PKHD1: variants seen among roughly 807,000 people sequenced by gnomAD.
PKHD1 encodes the protein fibrocystin.
A neutral mutation model predicts 412.0 loss-of-function variants in PKHD1; 291 were observed. That is an observed-to-expected ratio of 0.71 (90% CI 0.64 to 0.78). PKHD1 has a LOEUF of 0.78. PKHD1 is among the 30% of genes least tolerant of loss of function. PKHD1 has a pLI of 0.00. For missense variants in PKHD1, 4,825 were observed against 4,950.7 expected (o/e 0.97, Z 0.76); for synonymous variants, 1,777 against 1,821.5 (o/e 0.98, Z 0.62).
At chr6:51,889,063 G>T (rs58715183) in intron 43 of PKHD1, among the ~76,000 whole-genome samples, 12,021 of 152,062 alleles carry the variant, frequency 0.079, 695 homozygotes, top group African/African-American at 0.16. Context: ...TCAGGTGTAA[G>T]CCCTGTGCTA....
chr6:51,939,221 C>T (rs1788060295), intron 36 of PKHD1, among the ~76,000 whole-genome samples: 1 of 151,012 alleles, frequency 6.6e-6, no homozygotes, highest in African/African-American at 2.4e-5. Flanking sequence ...GGGCAAGAAC[C>T]CCCCCAACCC....
chr6:51,693,114 T>C (rs970747565), intron 60 of PKHD1, among the ~76,000 whole-genome samples: 3 of 152,172 alleles, frequency 2.0e-5, no homozygotes, highest in East Asian at 3.9e-4. Context: ...TCAACACATA[T>C]GTCCCCTGCA....
At chr6:51,812,751 G>T (rs1222832429) in intron 52 of PKHD1, among the ~76,000 whole-genome samples, 1 of 152,156 alleles carries the variant, frequency 6.6e-6, no homozygotes, top group Non-Finnish European at 1.5e-5. Context: ...TTTAGATCCT[G>T]AAGAGATTAG....
At chr6:51,843,827 A>C (rs1770663478) in intron 50 of PKHD1, among the ~76,000 whole-genome samples, 2 of 152,262 alleles carry the variant, frequency 1.3e-5, no homozygotes. Flanking sequence ...CAGCAGCTTT[A>C]GAAAGGCAAC....
chr6:51,880,779 TAAAAAAAAAAAAAAAAA>T (rs71544105), intron 46 of PKHD1, among the ~76,000 whole-genome samples: 1 of 30,036 alleles, frequency 3.3e-5, no homozygotes, highest in Non-Finnish European at 4.7e-5. Flanking sequence ...AAAAAAAAAT[TAAAAAAAAAAAAAAAAA>T]AAAAAAAAAA....
At chr6:52,011,022 G>C (rs1483278983) in intron 34 of PKHD1, among the ~76,000 whole-genome samples, 1 of 152,132 alleles carries the variant, frequency 6.6e-6, no homozygotes, top group Non-Finnish European at 1.5e-5. Context: ...ATGAGGCTCT[G>C]TTGCTAGCAG....
chr6:51,721,814 T>C (rs1174890898), intron 60 of PKHD1: 2 of 1,493,590 alleles, frequency 1.3e-6, no homozygotes, highest in Non-Finnish European at 1.8e-6. Flanking sequence ...TCCTCTCCAT[T>C]CTGGCTGCCA....
chr6:51,737,269 C>G (rs1035126377), intron 60 of PKHD1, among the ~76,000 whole-genome samples: 9 of 152,188 alleles, frequency 5.9e-5, no homozygotes, highest in Middle Eastern at 3.4e-3. Context: ...AAAAGCTTAT[C>G]GTGAGTTTAT....
intron 20 of PKHD1, among the ~76,000 whole-genome samples, chr6:52,053,781 G>C (rs1340059386): frequency 6.6e-6 from 1 of 152,136 alleles, no homozygotes; most frequent in Non-Finnish European, 1.5e-5. Context: ...TGTTCTCTAA[G>C]GTTTCCCCCA....
At chr6:51,913,577 C>T (rs1783315966) in intron 37 of PKHD1, among the ~76,000 whole-genome samples, 1 of 152,096 alleles carries the variant, frequency 6.6e-6, no homozygotes, top group African/African-American at 2.4e-5. Flanking sequence ...CATTTCCTTC[C>T]TCTTTTGCAA....
intron 52 of PKHD1, among the ~76,000 whole-genome samples, chr6:51,829,641 G>T (rs1213893630): frequency 6.6e-6 from 1 of 152,096 alleles, no homozygotes; most frequent in Non-Finnish European, 1.5e-5. Flanking sequence ...CGTTTGTACT[G>T]GTCAGCCCAC....
In PKHD1 at chr6:51,756,115, T is replaced by C. The variant is rs1453956262; in HGVS notation, c.8643-1177A>G. Among the ~76,000 whole-genome samples the C allele has an allele frequency of 2.6e-5, 4 of 152,210 alleles. No homozygotes were observed. In the East Asian group the frequency reaches 7.7e-4, roughly 29 times the overall value. On this transcript the variant is annotated intron_variant, in intron 55 of 66. Coordinates refer to ENST00000371117, the MANE Select transcript of PKHD1 (RefSeq NM_138694.4). ...AATGAAATATTATAATTAATTCACA[T>C]CTACGTACCTAAGGTTGGAGAAAGA...
At position 51,906,315 on chromosome 6, in the gene PKHD1, C is replaced by A. The variant is rs781493877; in HGVS notation, c.6708G>T (p.Val2236=). 6.2e-7 allele frequency: 1 copy of A among 1,610,726 alleles called. No homozygotes were observed. The highest frequency in any genetic ancestry group is 8.5e-7 in the Non-Finnish European group (1 of 1,177,216). The change falls in exon 41 of 67, where the codon GTG becomes GTT. Residue 2236 remains valine (V), a synonymous_variant. Coordinates refer to ENST00000371117, the MANE Select transcript of PKHD1 (RefSeq NM_138694.4). ...TGAGGCCTCTACTGAAGGAGTTCCT[C>A]ACTGTGCAGCCCTGTATGAAAGACT... is the stretch of plus-strand genomic sequence containing the variant. ...MRESFIQGCT[V]RNSFSRGLSM... is the part of the protein sequence containing the mutation.
intron 35 of PKHD1, among the ~76,000 whole-genome samples, chr6:51,970,809 G>A (rs904782945): frequency 1.3e-5 from 2 of 152,174 alleles, no homozygotes; most frequent in African/African-American, 2.4e-5. Context: ...ATTGATCTAT[G>A]TGTCTATTTT....
intron 48 of PKHD1, among the ~76,000 whole-genome samples, chr6:51,867,018 T>C (rs1223235464): frequency 6.6e-6 from 1 of 152,178 alleles, no homozygotes; most frequent in African/African-American, 2.4e-5. Flanking sequence ...TGATTCCACA[T>C]GCATTCAAAA....
chr6:52,086,106 A>ACTTT (rs913681309), intron 1 of PKHD1, among the ~76,000 whole-genome samples: 7 of 146,110 alleles, frequency 4.8e-5, no homozygotes, highest in South Asian at 2.1e-4. Flanking sequence ...ACACACACAA[A>ACTTT]GTGTGTGTGT....
At chr6:51,625,648 A>G (rs1172609910) in intron 66 of PKHD1, among the ~76,000 whole-genome samples, 1 of 152,136 alleles carries the variant, frequency 6.6e-6, no homozygotes, top group Non-Finnish European at 1.5e-5. Flanking sequence ...TCCTTAATAA[A>G]ACAGTTAGGC....
At chr6:52,063,728 TC>T (rs1809050907) in intron 13 of PKHD1, among the ~76,000 whole-genome samples, 1 of 152,110 alleles carries the variant, frequency 6.6e-6, no homozygotes, top group Admixed American at 6.5e-5. Context: ...CACCACCACT[TC>T]CGGTCTAACA....
At position 52,018,749 on chromosome 6, in the gene PKHD1, T is replaced by C. The variant is rs146775190; in HGVS notation, c.5381-1120A>G. ...AGGCTGATCTTGAATTCCTGAGCTCTGGCAATCCACCTGCCTCAGCCTCAA... is the reference window on the plus strand; with the variant it reads ...AGGCTGATCTTGAATTCCTGAGCTCCGGCAATCCACCTGCCTCAGCCTCAA... On this transcript the variant is annotated intron_variant, in intron 33 of 66. Transcript: ENST00000371117. Among the ~76,000 whole-genome samples the C allele has an allele frequency of 5.5e-3, 837 of 152,132 alleles. 5 individuals carry two copies. The highest frequency in any genetic ancestry group is 0.037 in the Middle Eastern group (11 of 294).
Sources: gnomAD v4.1 joint callset for allele counts (sites outside exome capture counted in the v4.1 genomes callset) on GRCh38, gnomAD v4.1.1 for gene constraint, MANE v1.5 for transcripts, NCBI Gene and HGNC (gene_info 2026-07-23, HGNC 2026-07-21) for gene names.